The following KIAA1328 variants were observed in gnomAD, a reference collection of about 807,000 sequenced individuals.
The protein encoded by KIAA1328 is KIAA1328.
A neutral mutation model predicts 68.1 loss-of-function variants in KIAA1328; 52 were observed. The observed-to-expected ratio is 0.76, with a 90% CI of 0.61 to 0.96. The LOEUF (loss-of-function observed/expected upper bound fraction) is 0.96. Among genes scored for constraint, KIAA1328 ranks in the 40% least tolerant of loss-of-function variants. The pLI, the probability that KIAA1328 is intolerant of heterozygous loss-of-function variation, is 0.00. For synonymous variants in KIAA1328, 232 were observed against 239.4 expected (o/e 0.97, Z 0.28); for missense variants, 641 against 677.6 (o/e 0.95, Z 0.60).
chr18:37,167,501 G>A (rs547853364), intron 8 of KIAA1328, among the ~76,000 whole-genome samples: 1 of 152,220 alleles, frequency 6.6e-6, no homozygotes, highest in East Asian at 1.9e-4. Context: ...GAGTTGGGCT[G>A]CTTAGTGGCT....
intron 7 of KIAA1328, among the ~76,000 whole-genome samples, chr18:37,091,259 A>C (rs796628348): frequency 7.2e-5 from 11 of 152,320 alleles, no homozygotes; most frequent in African/African-American, 2.4e-4. Context: ...CTGGAATTCA[A>C]CAGGGAAGTC....
intron 5 of KIAA1328, among the ~76,000 whole-genome samples, chr18:36,892,857 G>A (rs1043595303): frequency 1.3e-5 from 2 of 152,030 alleles, no homozygotes; most frequent in Non-Finnish European, 2.9e-5. Context: ...GATTATTTTT[G>A]TTCTCTTAAA....
chr18:37,025,310 TCAA>T (rs1386001999), intron 6 of KIAA1328, among the ~76,000 whole-genome samples: 1 of 152,124 alleles, frequency 6.6e-6, no homozygotes, highest in Non-Finnish European at 1.5e-5. Flanking sequence ...ATTAGACAGA[TCAA>T]CGAGTCAGAA....
intron 5 of KIAA1328, among the ~76,000 whole-genome samples, chr18:36,954,944 G>A (rs2051344567): frequency 2.0e-5 from 3 of 152,080 alleles, no homozygotes; most frequent in African/African-American, 7.2e-5. Context: ...TGATCTGTCC[G>A]CCTTGGCCTC....
intron 4 of KIAA1328, among the ~76,000 whole-genome samples, chr18:36,849,663 A>G (rs1266069469): frequency 6.6e-6 from 1 of 152,066 alleles, no homozygotes; most frequent in African/African-American, 2.4e-5. Context: ...TTGGCTATTT[A>G]AACTACATGA....
At chr18:37,049,226 A>G (rs2055596539) in intron 6 of KIAA1328, among the ~76,000 whole-genome samples, 1 of 152,174 alleles carries the variant, frequency 6.6e-6, no homozygotes, top group Admixed American at 6.5e-5. Flanking sequence ...GAACAGGATG[A>G]AAAAAGTTCA....
At chr18:36,844,466 TTA>T (rs780041324) in intron 4 of KIAA1328, among the ~76,000 whole-genome samples, 164 bp downstream of exon 4, 4 of 151,976 alleles carry the variant, frequency 2.6e-5, no homozygotes, top group Non-Finnish European at 5.9e-5. Flanking sequence ...CTCAAAAAGC[TTA>T]AAAAAGAAGC....
At chr18:36,968,813 A>C (rs1270382315) in intron 6 of KIAA1328, among the ~76,000 whole-genome samples, 3 of 152,178 alleles carry the variant, frequency 2.0e-5, no homozygotes, top group Non-Finnish European at 4.4e-5. Flanking sequence ...TCTCTACCCC[A>C]AAACAACACA....
chr18:37,093,466 A>G (rs2057321694), intron 7 of KIAA1328, among the ~76,000 whole-genome samples: 1 of 152,230 alleles, frequency 6.6e-6, no homozygotes, highest in Admixed American at 6.5e-5. Context: ...AAAAGAACCA[A>G]GTAGAGTTCC....
In KIAA1328 at chr18:36,883,112, C is replaced by T. The variant is rs1028820381; in HGVS notation, c.333-2445C>T. Among the ~76,000 whole-genome samples the T allele has an allele frequency of 8.5e-5, 13 of 152,102 alleles. No homozygotes were observed. In the East Asian group the frequency reaches 1.2e-3, roughly 14 times the overall value. On this transcript the variant is annotated intron_variant, in intron 4 of 9. Coordinates refer to ENST00000280020, the MANE Select transcript of KIAA1328 (RefSeq NM_020776.3). ...CTACTTATAGATTTTCTTCTTTCGTCGTGTCTTCAAGATTTTACCATTCTA... is the reference window on the plus strand; with the variant it reads ...CTACTTATAGATTTTCTTCTTTCGTTGTGTCTTCAAGATTTTACCATTCTA...
chr18:37,215,708 G>T (rs536202932), intron 9 of KIAA1328, among the ~76,000 whole-genome samples: 1 of 152,170 alleles, frequency 6.6e-6, no homozygotes, highest in Non-Finnish European at 1.5e-5. Context: ...GATTGGAATA[G>T]TTTCAGAAGG....
At chr18:37,118,816 CCTTT>C (rs1390432196) in intron 7 of KIAA1328, among the ~76,000 whole-genome samples, 4 of 152,120 alleles carry the variant, frequency 2.6e-5, no homozygotes, top group African/African-American at 9.7e-5. Flanking sequence ...CCATTTCCAT[CCTTT>C]CTTTCTTGGG....
chr18:36,855,453 T>C (rs538917467), intron 4 of KIAA1328, among the ~76,000 whole-genome samples: 136 of 152,292 alleles, frequency 8.9e-4, no homozygotes, highest in Non-Finnish European at 1.5e-3. Flanking sequence ...TGAATCTCTC[T>C]TGTAGAAATA....
chr18:37,060,831 C>T (rs1455351965), intron 6 of KIAA1328, among the ~76,000 whole-genome samples: 1 of 152,160 alleles, frequency 6.6e-6, no homozygotes, highest in Non-Finnish European at 1.5e-5. Context: ...AAATACTATG[C>T]AGCGGGCTGA....
chr18:37,111,625 T>G (rs1355931583), intron 7 of KIAA1328, among the ~76,000 whole-genome samples: 1 of 152,052 alleles, frequency 6.6e-6, no homozygotes, highest in African/African-American at 2.4e-5. Flanking sequence ...AGAAGACAGG[T>G]GATTTCTGCA....
At position 36,834,370 on chromosome 18, in the gene KIAA1328, G is replaced by GT. The variant is rs1439237781; in HGVS notation, c.94+17dup. The GT allele has an allele frequency of 3.6e-5, 57 of 1,572,896 alleles. No homozygotes were observed. The African/African-American group carries it at 6.8e-4, about 19-fold the overall frequency. ...ATACGTTCCAGGTATGATTTTCTAT[G>GT]TTAAAATTTGGGAAGCTTACTTTGG... is the stretch of plus-strand genomic sequence containing the variant. On this transcript the variant is annotated intron_variant, in intron 2 of 9. Coordinates refer to ENST00000280020, the MANE Select transcript of KIAA1328 (RefSeq NM_020776.3).
chr18:36,895,063 T>C (rs2048824069), intron 5 of KIAA1328, among the ~76,000 whole-genome samples: 1 of 152,164 alleles, frequency 6.6e-6, no homozygotes, highest in Non-Finnish European at 1.5e-5. Context: ...TTTTACTAAT[T>C]TCCTTCTTCA....
intron 5 of KIAA1328, among the ~76,000 whole-genome samples, chr18:36,907,511 AT>A (rs771974281): frequency 6.6e-6 from 1 of 151,990 alleles, no homozygotes; most frequent in East Asian, 1.9e-4. Context: ...TGGATGTTGA[AT>A]TTTCTTGAAA....
At chr18:37,149,569 C>G (rs56319145) in intron 7 of KIAA1328, among the ~76,000 whole-genome samples, 7 of 151,938 alleles carry the variant, frequency 4.6e-5, no homozygotes, top group Admixed American at 2.0e-4. Context: ...CTAATTAGAG[C>G]ATATTACTGT....
Sources: allele counts gnomAD v4.1 joint callset (sites outside exome capture counted in the v4.1 genomes callset), GRCh38; gene constraint gnomAD v4.1.1; transcripts MANE v1.5; gene names NCBI Gene and HGNC (gene_info 2026-07-23, HGNC 2026-07-21).